Variants in TRIO observed in about 807,000 individuals in gnomAD.
The protein encoded by TRIO is triple functional domain protein.
TRIO carries 58 observed loss-of-function variants against 351.9 expected under a neutral mutation model. That is an observed-to-expected ratio of 0.16 (90% CI 0.13 to 0.21). TRIO has a LOEUF of 0.21. Among genes scored for constraint, TRIO ranks in the 10% least tolerant of loss-of-function variants. The pLI is 1.00. For missense variants in TRIO, 3,201 were observed against 4,027.8 expected (o/e 0.79, Z 5.56); for synonymous variants, 1,758 against 1,595.7 (o/e 1.10, Z -2.42).
intron 3 of TRIO, among the ~76,000 whole-genome samples, chr5:14,282,357 A>G (rs112954636): frequency 5.3e-5 from 8 of 152,368 alleles, no homozygotes; most frequent in African/African-American, 1.9e-4. Flanking sequence ...ATAACTGCCA[A>G]TCAAAATGAT....
chr5:14,363,939 C>T lies in TRIO; in HGVS notation c.2587+12C>T. 1 of 1,609,014 alleles carries T rather than the reference C, an allele frequency of 6.2e-7. No homozygotes were observed. The highest frequency in any genetic ancestry group is 8.5e-7 in the Non-Finnish European group (1 of 1,176,438). On this transcript the variant is annotated intron_variant, in intron 14 of 56. Transcript: ENST00000344204. ...GGTCCAGGCCTCTGGTAAGAGGGCTCACTCCATCTGTGTCCGTTGTGATTT... is the reference window on the plus strand; with the variant it reads ...GGTCCAGGCCTCTGGTAAGAGGGCTTACTCCATCTGTGTCCGTTGTGATTT...
Position 14,406,624 on chromosome 5 carries a change from G to T in TRIO, c.4911G>T (p.Thr1637=), listed in dbSNP as rs149057194. ...SQGDGSSQPD[T]ISIASRTSQN... The stretch of plus-strand genomic sequence containing the variant: ...GAGACGGCAGCAGCCAGCCTGATAC[G>T]ATTTCCATCGCCTCACGGACGTCTC... Residue 1637 remains threonine (T), a synonymous_variant, in exon 33 of 57, where the codon ACG becomes ACT. Coordinates refer to ENST00000344204, the MANE Select transcript of TRIO (RefSeq NM_007118.4). 1 of 1,614,102 alleles carries T rather than the reference G, an allele frequency of 6.2e-7. No homozygotes were observed. Among genetic ancestry groups the T allele is most frequent in the Admixed American group, 1.7e-5 (1 of 60,030 alleles).
rs575522419 is a variant in TRIO, at chr5:14,475,960, G to A, written c.6084-934G>A. On this transcript the variant is annotated intron_variant, in intron 40 of 56. Transcript: ENST00000344204. ...ACTAAGCTGGACATATATCTTAAAA[G>A]ACAACTACAGCCCAGAAAACAATGA... 2.6e-4 allele frequency among the ~76,000 whole-genome samples: 39 copies of A among 152,286 alleles called. No homozygotes were observed. The South Asian group carries it at 7.5e-3, about 29-fold the overall frequency.
At chr5:14,214,553 CTG>C (rs2152199012) in intron 1 of TRIO, among the ~76,000 whole-genome samples, 1 of 152,296 alleles carries the variant, frequency 6.6e-6, no homozygotes, top group South Asian at 2.1e-4. Context: ...GGAAAAAAAT[CTG>C]TTATTTAAAA....
chr5:14,296,511 G>GT (rs1737375463), intron 6 of TRIO, among the ~76,000 whole-genome samples: 1 of 152,188 alleles, frequency 6.6e-6, no homozygotes, highest in Admixed American at 6.5e-5. Context: ...GCGTTGTTGT[G>GT]TTTTTACTGC....
intron 32 of TRIO, 29 bp from the exon 33 acceptor site, chr5:14,406,544 A>G (rs1748735018): frequency 1.9e-6 from 3 of 1,607,622 alleles, no homozygotes; most frequent in Admixed American, 1.7e-5. Flanking sequence ...CAGCAGCATC[A>G]GGAACTAAAA....
rs765674667 is a variant in TRIO at position 14,359,325 on chromosome 5, T to A, written c.2217-32T>A. On this transcript the variant is annotated intron_variant, in intron 12 of 56. Coordinates refer to ENST00000344204, the MANE Select transcript of TRIO (RefSeq NM_007118.4). ...TATCTAACAATGTGTGACTTTCTCA[T>A]CCAATTCCTGTTCCTCTGTGTGCTC... 5 of 1,594,524 alleles carry A rather than the reference T, an allele frequency of 3.1e-6. No homozygotes were observed. The African/African-American group carries it at 6.7e-5, about 21-fold the overall frequency.
intron 7 of TRIO, among the ~76,000 whole-genome samples, chr5:14,299,902 C>T (rs1310456714): frequency 6.6e-6 from 1 of 152,166 alleles, no homozygotes; most frequent in Non-Finnish European, 1.5e-5. Flanking sequence ...TCCGGCCCTG[C>T]CCTCTCTCTC....
At position 14,471,946 on chromosome 5, in the gene TRIO, G is replaced by A. The variant is rs192979860; in HGVS notation, c.5912+480G>A. Among the ~76,000 whole-genome samples the A allele has an allele frequency of 4.6e-5, 7 of 152,004 alleles. No homozygotes were observed. In the East Asian group the frequency reaches 1.4e-3, roughly 29 times the overall value. On this transcript the variant is annotated intron_variant, in intron 38 of 56. Transcript: ENST00000344204. ...AAAAAAAAAACGTAAGCTACGAAAC[G>A]GCAGAGACTGGGTGTTTTATTCAGC...
chr5:14,421,521 T>C (rs891345278), intron 34 of TRIO, among the ~76,000 whole-genome samples: 25 of 150,668 alleles, frequency 1.7e-4, no homozygotes, highest in African/African-American at 4.7e-4. Context: ...GGAAAATCGC[T>C]TGGACCCAGG....
intron 11 of TRIO, among the ~76,000 whole-genome samples, chr5:14,351,458 G>A (rs1320314422): frequency 6.6e-6 from 1 of 152,132 alleles, no homozygotes; most frequent in African/African-American, 2.4e-5. Context: ...TACTTCCCCT[G>A]CTGGCCCTAT....
At chr5:14,486,071 G>A (rs541344659) in intron 47 of TRIO, among the ~76,000 whole-genome samples, 10 of 152,130 alleles carry the variant, frequency 6.6e-5, no homozygotes, top group South Asian at 2.1e-4. Flanking sequence ...CACAGCGGGC[G>A]TGGCCACACT....
At position 14,459,828 on chromosome 5, in the gene TRIO, C is replaced by A. The variant is rs143863282; in HGVS notation, c.5204-1191C>A. ...TTGACTATATTTAATTTTTGAGATC[C>A]AATGAGAAGCTGGTTTGGATATATT... is the stretch of plus-strand genomic sequence containing the variant. On this transcript the variant is annotated intron_variant, in intron 34 of 56. Coordinates refer to ENST00000344204, the MANE Select transcript of TRIO (RefSeq NM_007118.4). Among the ~76,000 whole-genome samples the A allele has an allele frequency of 2.6e-5, 4 of 152,242 alleles. No individual in the cohort carries two copies. The East Asian group carries it at 7.7e-4, about 29-fold the overall frequency.
At chr5:14,458,276 A>G (rs1223644100) in intron 34 of TRIO, among the ~76,000 whole-genome samples, 1 of 151,980 alleles carries the variant, frequency 6.6e-6, no homozygotes, top group East Asian at 1.9e-4. Flanking sequence ...TTTCCATGTA[A>G]TACTTGTGTG....
intron 9 of TRIO, among the ~76,000 whole-genome samples, chr5:14,327,251 G>A (rs926525852): frequency 3.9e-5 from 6 of 152,142 alleles, no homozygotes; most frequent in Non-Finnish European, 8.8e-5. Flanking sequence ...TGCAATCTCT[G>A]CCTCCCAGGT....
intron 1 of TRIO, among the ~76,000 whole-genome samples, chr5:14,266,489 T>G (rs1795686091): frequency 6.6e-6 from 1 of 152,224 alleles, no homozygotes; most frequent in Admixed American, 6.5e-5. Flanking sequence ...CAGTATAATG[T>G]TTATTATTAA....
chr5:14,356,718 C>T (rs576997962), intron 11 of TRIO, among the ~76,000 whole-genome samples: 4 of 152,256 alleles, frequency 2.6e-5, no homozygotes, highest in South Asian at 4.1e-4. Flanking sequence ...TGGAAATAAC[C>T]GAGATGCCCA....
chr5:14,182,346 A>G (rs1789837081), intron 1 of TRIO, among the ~76,000 whole-genome samples: 1 of 152,180 alleles, frequency 6.6e-6, no homozygotes, highest in Non-Finnish European at 1.5e-5. Flanking sequence ...CTGGATCTTA[A>G]TGTTAGTCTT....
intron 33 of TRIO, among the ~76,000 whole-genome samples, chr5:14,409,697 G>A (rs1749030200): frequency 6.6e-6 from 1 of 152,042 alleles, no homozygotes; most frequent in Non-Finnish European, 1.5e-5. Context: ...AGTCGAGCGT[G>A]GTGGTGGGTG....
Sources: allele counts gnomAD v4.1 joint callset (sites outside exome capture counted in the v4.1 genomes callset), GRCh38; gene constraint gnomAD v4.1.1; transcripts MANE v1.5; gene names NCBI Gene and HGNC (gene_info 2026-07-23, HGNC 2026-07-21).